CRB1: variants seen among roughly 807,000 people sequenced by gnomAD.
The protein encoded by CRB1 is crumbs cell polarity complex component 1.
CRB1 carries 83 observed loss-of-function variants against 120.0 expected under a neutral mutation model. That is an observed-to-expected ratio of 0.69 (90% CI 0.58 to 0.83). CRB1 has a LOEUF of 0.83. Among genes scored for constraint, CRB1 ranks in the 40% least tolerant of loss-of-function variants. CRB1 has a pLI of 0.00. For synonymous variants in CRB1, 625 were observed against 612.5 expected, an observed-to-expected ratio of 1.02 and a Z score of -0.30; for missense variants, 1,699 against 1,687.6, an observed-to-expected ratio of 1.01 and a Z score of -0.12.
chr1:197,270,895 A>G (rs1019163549), intron 1 of CRB1, among the ~76,000 whole-genome samples: 4 of 152,294 alleles, frequency 2.6e-5, no homozygotes, highest in African/African-American at 7.2e-5. Context: ...TTGGAACATA[A>G]TAGCAAACAA....
intron 5 of CRB1, among the ~76,000 whole-genome samples, chr1:197,374,743 C>A (rs529041640): frequency 6.6e-6 from 1 of 151,728 alleles, no homozygotes; most frequent in African/African-American, 2.4e-5. Flanking sequence ...TTTTTTCTAA[C>A]TAAAGTTCTA....
chr1:197,354,518 G>C (rs1660318479), intron 4 of CRB1, among the ~76,000 whole-genome samples: 1 of 152,080 alleles, frequency 6.6e-6, no homozygotes, highest in Non-Finnish European at 1.5e-5. Flanking sequence ...GGCTTCAAGA[G>C]TGAAGCCGCA....
At position 197,477,700 on chromosome 1, in the gene CRB1, A is replaced by G; in HGVS notation, c.4042A>G (p.Ile1348Val). 6.2e-7 allele frequency: 1 copy of G among 1,613,806 alleles called. No individual in the cohort carries two copies. Among genetic ancestry groups the G allele is most frequent in the Non-Finnish European group, 8.5e-7 (1 of 1,179,846 alleles). The stretch of plus-strand genomic sequence containing the variant: ...CTTGATCTCCGACATTTTCACCACT[A>G]TTGGCTCAGTGACTGTCGCCTTGTT... ...DDLISDIFTT[I>V]GSVTVALLLI... Residue 1348 changes from isoleucine (I) to valine (V), a missense_variant, in exon 12 of 12, where the codon ATT becomes GTT. By Grantham distance (29) the Ile-to-Val change is conservative. Transcript: ENST00000367400.
chr1:197,292,104 C>A (rs1656216682), intron 1 of CRB1, among the ~76,000 whole-genome samples: 1 of 151,922 alleles, frequency 6.6e-6, no homozygotes, highest in South Asian at 2.1e-4. Context: ...ACAAAAAACC[C>A]TTTAAAAAAT....
chr1:197,221,420 A>T, the CRB1 span, among the ~76,000 whole-genome samples: 1 of 152,228 alleles, frequency 6.6e-6, no homozygotes, highest in Non-Finnish European at 1.5e-5. Flanking sequence ...ATACCTCATC[A>T]CATTCTGTTA....
intron 1 of CRB1, among the ~76,000 whole-genome samples, chr1:197,298,653 T>C (rs1310019978): frequency 6.6e-6 from 1 of 152,084 alleles, no homozygotes; most frequent in Non-Finnish European, 1.5e-5. Context: ...ATTATTATAA[T>C]GCTATAACAA....
chr1:197,337,322 G>A (rs1057406582), intron 2 of CRB1, among the ~76,000 whole-genome samples: 11 of 152,104 alleles, frequency 7.2e-5, no homozygotes, highest in African/African-American at 2.7e-4. Flanking sequence ...GAATGCAAAG[G>A]GGATGAGCCA....
intron 1 of CRB1, among the ~76,000 whole-genome samples, chr1:197,318,177 G>A (rs1382705082): frequency 6.6e-6 from 1 of 152,134 alleles, no homozygotes; most frequent in Admixed American, 6.5e-5. Context: ...AAAAATGAGC[G>A]AAAGACTTGA....
intron 2 of CRB1, among the ~76,000 whole-genome samples, chr1:197,335,088 T>C (rs1445823919): frequency 6.6e-6 from 1 of 152,172 alleles, no homozygotes; most frequent in African/African-American, 2.4e-5. Context: ...AAATGTCTTG[T>C]GGAATAGCAT....
At chr1:197,378,440 C>T (rs758992874) in intron 5 of CRB1, among the ~76,000 whole-genome samples, 27 of 151,972 alleles carry the variant, frequency 1.8e-4, no homozygotes, top group African/African-American at 5.6e-4. Context: ...TCCTTGTTTG[C>T]TCTTACCTCC....
chr1:197,260,680 G>A, the CRB1 span, among the ~76,000 whole-genome samples: 1 of 151,570 alleles, frequency 6.6e-6, no homozygotes, highest in Admixed American at 6.6e-5. Flanking sequence ...TCTTTATAAG[G>A]AAATGCTACA....
At chr1:197,335,646 G>A (rs1245899495) in intron 2 of CRB1, among the ~76,000 whole-genome samples, 2 of 151,922 alleles carry the variant, frequency 1.3e-5, no homozygotes, top group East Asian at 1.9e-4. Context: ...GTACAGGAGC[G>A]TGCCACCACG....
the CRB1 span, among the ~76,000 whole-genome samples, chr1:197,227,428 A>G: frequency 7.3e-3 from 1,043 of 143,592 alleles, 15 homozygotes; most frequent in African/African-American, 0.024. Flanking sequence ...AGTCTCGCTC[A>G]TCGCCCAGGC....
chr1:197,447,853 CAA>C lies in CRB1; in HGVS notation c.4005+5582_4005+5583del, dbSNP rs397861586. ...TGGGCAACAGAGCAAGAACCTGTCTCAAAAAAAAAAAAAAAAAAAAAAGTCTG... is the reference window on the plus strand; with the variant it reads ...TGGGCAACAGAGCAAGAACCTGTCTCAAAAAAAAAAAAAAAAAAAAGTCTG... On this transcript the variant is annotated intron_variant, in intron 11 of 11. Transcript: ENST00000367400. Among the ~76,000 whole-genome samples, 310 of 60,008 alleles carry C rather than the reference CAA, an allele frequency of 5.2e-3. 2 individuals carry two copies. The highest frequency in any genetic ancestry group is 0.015 in the African/African-American group (268 of 17,380). 39.4% of individuals were successfully genotyped at this position (60,008 alleles called of 152,430 possible).
At chr1:197,363,899 G>A in intron 5 of CRB1, 1 of 1,191,728 alleles carries the variant, frequency 8.4e-7, no homozygotes, top group Non-Finnish European at 1.2e-6. Context: ...ACCCTAAACA[G>A]AATCCTCACT....
chr1:197,323,918 A>C (rs1320478910), intron 1 of CRB1, among the ~76,000 whole-genome samples: 2 of 152,198 alleles, frequency 1.3e-5, no homozygotes, highest in Non-Finnish European at 2.9e-5. Context: ...GCAGGACCTG[A>C]TTTCATCTGT....
At chr1:197,211,294 A>T in the CRB1 span, among the ~76,000 whole-genome samples, 5 of 152,346 alleles carry the variant, frequency 3.3e-5, no homozygotes, top group Non-Finnish European at 7.4e-5. Context: ...ACCACCTCTA[A>T]AACAGACTTC....
chr1:197,302,428 G>T (rs770714093), intron 1 of CRB1, among the ~76,000 whole-genome samples: 8 of 152,082 alleles, frequency 5.3e-5, no homozygotes, highest in Non-Finnish European at 8.8e-5. Context: ...TTTGATATTT[G>T]CTTTATTACA....
At chr1:197,302,554 G>A (rs1656930523) in intron 1 of CRB1, among the ~76,000 whole-genome samples, 1 of 152,098 alleles carries the variant, frequency 6.6e-6, no homozygotes, top group Non-Finnish European at 1.5e-5. Flanking sequence ...ACACAAGATG[G>A]GGCCAAAAAA....
Sources: gnomAD v4.1 joint callset for allele counts (sites outside exome capture counted in the v4.1 genomes callset) on GRCh38, gnomAD v4.1.1 for gene constraint, MANE v1.5 for transcripts, NCBI Gene and HGNC (gene_info 2026-07-23, HGNC 2026-07-21) for gene names.